Variants in KIF5A observed in about 807,000 individuals in gnomAD.
The protein encoded by KIF5A is kinesin heavy chain isoform 5A.
In KIF5A, 35 loss-of-function variants were observed where a neutral mutation model predicts 141.3. That is an observed-to-expected ratio of 0.25 (90% CI 0.19 to 0.33). The LOEUF (loss-of-function observed/expected upper bound fraction) is 0.33, where lower values mean the gene tolerates loss of function less well. Ranked by LOEUF, KIF5A falls within the 10% of genes least tolerant of loss-of-function variation. The pLI is 1.00. For missense variants in KIF5A, 861 were observed against 1,314.3 expected (o/e 0.66, Z 5.33); for synonymous variants, 448 against 500.2 (o/e 0.90, Z 1.39).
chr12:57,583,136 A>C lies in KIF5A; in HGVS notation c.3056A>C (p.Gln1019Pro). Residue 1019 changes from glutamine to proline, a missense_variant, in exon 28 of 29, where the codon CAG becomes CCG. Coordinates refer to ENST00000455537, the MANE Select transcript of KIF5A (RefSeq NM_004984.4). ...DLPCGYEAED[Q>P]AKLFPLHQET... The stretch of plus-strand genomic sequence containing the variant: ...CCGTGTGGCTATGAGGCTGAGGACC[A>C]GGCCAAGCTTTTCCCTCTCCACCAA... 6.2e-7 allele frequency: 1 copy of C among 1,613,988 alleles called. No homozygotes were observed. Among genetic ancestry groups the C allele is most frequent in the East Asian group, 2.2e-5 (1 of 44,864 alleles).
At chr12:57,566,412 GT>G (rs1272872019) in intron 6 of KIF5A, among the ~76,000 whole-genome samples, 126 of 140,716 alleles carry the variant, frequency 9.0e-4, no homozygotes, top group Admixed American at 1.1e-3. Context: ...CTGCGACAGT[GT>G]TTTTTTTTTT....
Position 57,569,529 on chromosome 12 carries a change from A to C in KIF5A, c.969-6A>C, listed in dbSNP as rs751341561. 1 of 1,613,836 alleles carries C rather than the reference A, an allele frequency of 6.2e-7. No homozygotes were observed. Among genetic ancestry groups the C allele is most frequent in the Non-Finnish European group, 8.5e-7 (1 of 1,179,972 alleles). ...TCATTTCTTTGTTCCTCTTCTCCTC[A>C]CCCAGGGCAAAGACCATTAAGAACA... On this transcript the variant is annotated splice_region_variant and splice_polypyrimidine_tract_variant and intron_variant, in intron 10 of 28. Coordinates refer to ENST00000455537, the MANE Select transcript of KIF5A (RefSeq NM_004984.4).
intron 22 of KIF5A, 48 bp from the exon 23 acceptor site, chr12:57,578,164 GCTGGCTTGGCCTGGTCTTGGTGGGAC>G: frequency 6.3e-7 from 1 of 1,579,998 alleles, no homozygotes; most frequent in Non-Finnish European, 8.7e-7. Context: ...CCCCTATGGG[GCTGGCTTGGCCTGGTCTTGGTGGGAC>G]CTGTTTGGCC....
At chr12:57,564,871 G>A in intron 5 of KIF5A, 47 bp from the exon 6 acceptor site, 3 of 1,569,322 alleles carry the variant, frequency 1.9e-6, no homozygotes, top group Non-Finnish European at 2.6e-6. Flanking sequence ...TGCAGATGGG[G>A]GCGGTGGAAG....
At chr12:57,582,800 C>T (rs777860312) in intron 27 of KIF5A, 171 bp downstream of exon 27, 23 of 691,912 alleles carry the variant, frequency 3.3e-5, no homozygotes, top group Middle Eastern at 3.8e-4. Context: ...TCCCCTGCCT[C>T]AGTGCAGAAT....
At chr12:57,555,908 C>CAA (rs763843453) in intron 1 of KIF5A, among the ~76,000 whole-genome samples, 1,843 of 92,114 alleles carry the variant, frequency 0.02, 56 homozygotes, top group East Asian at 0.077. Flanking sequence ...AACTCTATCT[C>CAA]AAAAAAAAAA....
chr12:57,558,401 T>C (rs951472228), intron 1 of KIF5A, among the ~76,000 whole-genome samples: 1 of 151,888 alleles, frequency 6.6e-6, no homozygotes, highest in Admixed American at 6.6e-5. Flanking sequence ...TTAGGCCAGG[T>C]GCGGTGGCTT....
At position 57,581,917 on chromosome 12, in the gene KIF5A, C is replaced by G. The variant is rs113247976; in HGVS notation, c.2957C>G (p.Pro986Arg). The change falls in exon 26 of 29, where the codon CCC (proline) becomes CGC (arginine). Residue 986 changes from proline to arginine, a missense_variant. Physicochemically the swap from Pro to Arg is moderately radical, Grantham distance 103. Coordinates refer to ENST00000455537, the MANE Select transcript of KIF5A (RefSeq NM_004984.4). ...AGTGGAGCCACATCTTCTGGCGGCC[C>G]CTTGGCTTCCTACCAGAAGGCCAAC... ...TSSGATSSGG[P>R]LASYQKANMD... 4 of 1,613,932 alleles carry G rather than the reference C, an allele frequency of 2.5e-6. No individual in the cohort carries two copies. Among genetic ancestry groups the G allele is most frequent in the Middle Eastern group, 1.6e-4 (1 of 6,072 alleles).
intron 8 of KIF5A, 65 bp downstream of exon 8, chr12:57,567,683 C>G: frequency 6.9e-7 from 1 of 1,445,216 alleles, no homozygotes; most frequent in Non-Finnish European, 9.2e-7. Context: ...TTTTTTGAGA[C>G]AGAGTCTCAC....
chr12:57,561,881 G>A (rs1211216603), intron 1 of KIF5A, among the ~76,000 whole-genome samples: 1 of 152,158 alleles, frequency 6.6e-6, no homozygotes, highest in Non-Finnish European at 1.5e-5. Flanking sequence ...TCCAGCTCTA[G>A]CCAAGGTTTA....
chr12:57,561,468 G>A lies in KIF5A; in HGVS notation c.130-1971G>A, dbSNP rs190683880. 2.3e-3 allele frequency among the ~76,000 whole-genome samples: 345 copies of A among 152,210 alleles called. 3 individuals carry two copies. The highest frequency in any genetic ancestry group is 8.1e-3 in the African/African-American group (336 of 41,550). ...TCTATCAGTTGGTAATTTACAGAGAGCACTTTTCTAACTTCTTTTCCTTTG... is the reference window on the plus strand; with the variant it reads ...TCTATCAGTTGGTAATTTACAGAGAACACTTTTCTAACTTCTTTTCCTTTG... On this transcript the variant is annotated intron_variant, in intron 1 of 28. Coordinates refer to ENST00000455537, the MANE Select transcript of KIF5A (RefSeq NM_004984.4).
intron 1 of KIF5A, among the ~76,000 whole-genome samples, chr12:57,552,802 G>T (rs1157174208): frequency 1.3e-5 from 2 of 152,138 alleles, no homozygotes; most frequent in Non-Finnish European, 2.9e-5. Context: ...AGGTGGGAGA[G>T]ATAATCTTTC....
chr12:57,579,044 A>G (rs540395570), intron 23 of KIF5A, among the ~76,000 whole-genome samples: 1 of 152,112 alleles, frequency 6.6e-6, no homozygotes, highest in East Asian at 1.9e-4. Context: ...AGCCTAGGTG[A>G]CAGAGTGAGA....
intron 1 of KIF5A, among the ~76,000 whole-genome samples, chr12:57,552,062 C>T (rs966960290): frequency 2.0e-5 from 3 of 152,184 alleles, no homozygotes; most frequent in Non-Finnish European, 2.9e-5. Context: ...TGGAGGACCC[C>T]TCTCAGAGTG....
chr12:57,577,658 G>C (rs1882468275), intron 20 of KIF5A, 55 bp from the exon 21 acceptor site: 10 of 1,306,662 alleles, frequency 7.7e-6, no homozygotes, highest in Non-Finnish European at 1.0e-5. Context: ...GGAAGAGGCA[G>C]GAGGAAGGAG....
rs1222876306 is a variant in KIF5A, at chr12:57,585,689, C to A, written c.*1508C>A. ...AAAGGAAGCTGAGTGGGAATGCCAG[C>A]TGGTAAGCGCAGGCTGCACTGGCCC... On this transcript the variant is annotated 3_prime_UTR_variant, in exon 29 of 29. Coordinates refer to ENST00000455537, the MANE Select transcript of KIF5A (RefSeq NM_004984.4). 6.6e-6 allele frequency: 1 copy of A among 152,398 alleles called. No individual in the cohort carries two copies. Among genetic ancestry groups the A allele is most frequent in the African/African-American group, 2.4e-5 (1 of 41,462 alleles). The allele number at this position is 152,398 out of a possible 1,614,324, so 9.4% of individuals were successfully genotyped here.
chr12:57,562,086 C>T (rs368933258), intron 1 of KIF5A, among the ~76,000 whole-genome samples: 24 of 152,318 alleles, frequency 1.6e-4, no homozygotes, highest in African/African-American at 5.1e-4. Context: ...TGCATCTAGC[C>T]ATCAAATATA....
intron 1 of KIF5A, among the ~76,000 whole-genome samples, chr12:57,560,244 A>G (rs949442967): frequency 6.6e-6 from 1 of 152,228 alleles, no homozygotes; most frequent in African/African-American, 2.4e-5. Context: ...TGTATATGCT[A>G]TAATTTAATT....
chr12:57,563,287 G>C lies in KIF5A; in HGVS notation c.130-152G>C. ...CTTAAAATGATGGGATTACAGGTGT[G>C]AGCCACCACGCCCGGCCATTCTCCC... On this transcript the variant is annotated intron_variant, in intron 1 of 28. Transcript: ENST00000455537. The C allele has an allele frequency of 5.7e-6, 4 of 706,500 alleles. No individual in the cohort carries two copies. In the South Asian group the frequency reaches 6.2e-5, roughly 11 times the overall value. 43.8% of individuals were successfully genotyped at this position (706,500 alleles called of 1,614,324 possible).
Sources: gnomAD v4.1 joint callset for allele counts (sites outside exome capture counted in the v4.1 genomes callset) on GRCh38, gnomAD v4.1.1 for gene constraint, MANE v1.5 for transcripts, NCBI Gene and HGNC (gene_info 2026-07-23, HGNC 2026-07-21) for gene names.